FGF12: variants seen among roughly 807,000 people sequenced by gnomAD.
The protein encoded by FGF12 is fibroblast growth factor 12, also known as fibroblast growth factor 12B.
In FGF12, 14 loss-of-function variants were observed where a neutral mutation model predicts 23.6. The ratio of observed to expected loss-of-function variants is 0.59; its 90% CI spans 0.39 to 0.93. FGF12 has a LOEUF of 0.93. Among genes scored for constraint, FGF12 ranks in the 40% least tolerant of loss-of-function variants. The pLI, the probability that FGF12 is intolerant of heterozygous loss-of-function variation, is 0.00. For synonymous variants in FGF12, 62 were observed against 77.3 expected (o/e 0.80, Z 1.04); for missense variants, 175 against 217.8 (o/e 0.80, Z 1.24).
At chr3:192,156,424 A>G (rs1331338437) in intron 5 of FGF12, among the ~76,000 whole-genome samples, 1 of 152,206 alleles carries the variant, frequency 6.6e-6, no homozygotes, top group Non-Finnish European at 1.5e-5. Context: ...TGTTATAGAT[A>G]GTACTTAGTA....
intron 2 of FGF12, among the ~76,000 whole-genome samples, chr3:192,482,770 A>C (rs150191898): frequency 6.6e-6 from 1 of 152,344 alleles, no homozygotes; most frequent in African/African-American, 2.4e-5. Context: ...CAGTAAAACA[A>C]AATAATAATA....
chr3:192,579,835 G>A lies in FGF12; in HGVS notation c.13+147346C>T, dbSNP rs1713060062. 3.3e-5 allele frequency among the ~76,000 whole-genome samples: 5 copies of A among 152,240 alleles called. No homozygotes were observed. The South Asian group carries it at 1.0e-3, about 32-fold the overall frequency. The stretch of plus-strand genomic sequence containing the variant: ...TCCGATCATCTCGGCCTCCCCAAAT[G>A]CTCAGATTACAGGTGTGAGCCACTG... On this transcript the variant is annotated intron_variant, in intron 2 of 5. Coordinates refer to ENST00000445105, the MANE Select transcript of FGF12 (RefSeq NM_004113.6).
intron 4 of FGF12, among the ~76,000 whole-genome samples, chr3:192,271,507 T>C (rs1387702455): frequency 6.6e-6 from 1 of 152,164 alleles, no homozygotes; most frequent in East Asian, 1.9e-4. Context: ...ATCCCACCCA[T>C]CTTTGAAATC....
intron 2 of FGF12, among the ~76,000 whole-genome samples, chr3:192,691,550 G>T (rs1487553784): frequency 6.6e-6 from 1 of 151,982 alleles, no homozygotes; most frequent in Non-Finnish European, 1.5e-5. Context: ...TCCTAAGTAG[G>T]ATGTTGGCAG....
chr3:192,709,744 C>T (rs552159289), intron 2 of FGF12, among the ~76,000 whole-genome samples: 4 of 152,326 alleles, frequency 2.6e-5, no homozygotes, highest in African/African-American at 9.6e-5. Context: ...AGAGTTAAGA[C>T]ACATTTCCAA....
intron 2 of FGF12, among the ~76,000 whole-genome samples, chr3:192,530,493 GA>G (rs1301948689): frequency 6.6e-6 from 1 of 152,098 alleles, no homozygotes; most frequent in Non-Finnish European, 1.5e-5. Flanking sequence ...CATCCTTGAA[GA>G]TTTATTCAAC....
At chr3:192,521,070 G>A (rs6762721) in intron 2 of FGF12, among the ~76,000 whole-genome samples, 9,027 of 152,210 alleles carry the variant, frequency 0.059, 794 homozygotes, top group African/African-American at 0.2. Context: ...TTTATGCTAA[G>A]TATTGCTGAA....
intron 2 of FGF12, among the ~76,000 whole-genome samples, chr3:192,633,102 G>A (rs1161381016): frequency 1.3e-5 from 2 of 152,154 alleles, no homozygotes; most frequent in African/African-American, 4.8e-5. Context: ...CTGGAGTGCA[G>A]AGGCATGATC....
Position 192,476,371 on chromosome 3 carries a change from T to C in FGF12, c.14-115833A>G, listed in dbSNP as rs193144157. Among the ~76,000 whole-genome samples, 158 of 152,280 alleles carry C rather than the reference T, an allele frequency of 1.0e-3. 2 individuals carry two copies. The highest frequency in any genetic ancestry group is 3.7e-3 in the African/African-American group (155 of 41,562). On this transcript the variant is annotated intron_variant, in intron 2 of 5. Transcript: ENST00000445105. The stretch of plus-strand genomic sequence containing the variant: ...TAACAAAAAAGTGGCAGAATCTAAA[T>C]GTGAATCCCAATTGTTTGAGTCTAA...
intron 5 of FGF12, among the ~76,000 whole-genome samples, chr3:192,167,771 AATTTTT>A (rs1560175815): frequency 4.7e-5 from 1 of 21,308 alleles, no homozygotes; most frequent in African/African-American, 1.7e-4. Flanking sequence ...ATATATATAA[AATTTTT>A]TTTTTTTTTT....
chr3:192,481,332 A>G (rs1723473494), intron 2 of FGF12, among the ~76,000 whole-genome samples: 2 of 150,672 alleles, frequency 1.3e-5, no homozygotes, highest in Admixed American at 6.6e-5. Context: ...CTCTCTGAGG[A>G]AAAAAAAAAT....
intron 2 of FGF12, among the ~76,000 whole-genome samples, chr3:192,548,648 A>G (rs1208469420): frequency 6.6e-6 from 1 of 152,186 alleles, no homozygotes; most frequent in Non-Finnish European, 1.5e-5. Context: ...GATTCTGAAC[A>G]TTATTATTAA....
chr3:192,145,945 C>T (rs1183690337), intron 5 of FGF12, among the ~76,000 whole-genome samples: 1 of 151,990 alleles, frequency 6.6e-6, no homozygotes, highest in Non-Finnish European at 1.5e-5. Flanking sequence ...TTAAAAACTC[C>T]AAAATTAAAG....
At chr3:192,181,546 C>T (rs919427351) in intron 4 of FGF12, among the ~76,000 whole-genome samples, 2 of 151,740 alleles carry the variant, frequency 1.3e-5, no homozygotes, top group Non-Finnish European at 2.9e-5. Flanking sequence ...ATGCAAGCAG[C>T]ACGATGTAAC....
intron 2 of FGF12, among the ~76,000 whole-genome samples, chr3:192,472,709 C>T (rs181433393): frequency 2.9e-4 from 44 of 152,240 alleles, no homozygotes; most frequent in Admixed American, 7.2e-4. Context: ...AGGGATGTCT[C>T]ATTTTCTCTA....
intron 4 of FGF12, among the ~76,000 whole-genome samples, chr3:192,250,593 G>T (rs532659814): frequency 6.6e-6 from 1 of 151,960 alleles, no homozygotes; most frequent in Non-Finnish European, 1.5e-5. Flanking sequence ...CTACCTAATT[G>T]CTGCTAACAA....
intron 4 of FGF12, among the ~76,000 whole-genome samples, chr3:192,172,124 T>C (rs2108621185): frequency 6.6e-6 from 1 of 152,226 alleles, no homozygotes; most frequent in Middle Eastern, 3.4e-3. Context: ...TGTGGTAGCT[T>C]ACCTCTGTAA....
At chr3:192,653,726 T>A (rs1302074969) in intron 2 of FGF12, among the ~76,000 whole-genome samples, 2 of 151,602 alleles carry the variant, frequency 1.3e-5, no homozygotes, top group Non-Finnish European at 2.9e-5. Flanking sequence ...GAGGCTTTTT[T>A]TTTTTTGAGA....
chr3:192,377,132 T>G (rs1242591459), intron 2 of FGF12, among the ~76,000 whole-genome samples: 1 of 152,204 alleles, frequency 6.6e-6, no homozygotes, highest in African/African-American at 2.4e-5. Context: ...TTGCCCTAGG[T>G]GGACACATCA....
Sources: gnomAD v4.1 joint callset for allele counts (sites outside exome capture counted in the v4.1 genomes callset) on GRCh38, gnomAD v4.1.1 for gene constraint, MANE v1.5 for transcripts, NCBI Gene and HGNC (gene_info 2026-07-23, HGNC 2026-07-21) for gene names.